Variants in SHC3 observed in about 807,000 individuals in gnomAD.
SHC3 encodes the protein SHC adaptor protein 3.
SHC3 carries 15 observed loss-of-function variants against 60.4 expected under a neutral mutation model. That is an observed-to-expected ratio of 0.25 (90% CI 0.17 to 0.38). SHC3 has a LOEUF of 0.38. SHC3 is among the 10% of genes least tolerant of loss of function. The pLI, the probability that SHC3 is intolerant of heterozygous loss-of-function variation, is 1.00. For missense variants in SHC3, 677 were observed against 786.1 expected, an observed-to-expected ratio of 0.86 and a Z score of 1.66; for synonymous variants, 294 against 325.9, an observed-to-expected ratio of 0.90 and a Z score of 1.05.
intron 11 of SHC3, among the ~76,000 whole-genome samples, chr9:89,027,405 T>A (rs561046207): frequency 6.7e-6 from 1 of 149,858 alleles, no homozygotes; most frequent in South Asian, 2.1e-4. Flanking sequence ...CTGCAGGCTG[T>A]GCCCCCCGGG....
intron 2 of SHC3, among the ~76,000 whole-genome samples, chr9:89,089,591 C>T (rs931446911): frequency 2.0e-5 from 3 of 152,208 alleles, no homozygotes; most frequent in African/African-American, 4.8e-5. Flanking sequence ...AGGAGTGATC[C>T]TTCCCATTTG....
In SHC3 at chr9:89,012,766, G is replaced by A. The variant is rs1409515953; in HGVS notation, c.*681C>T. 6.6e-6 allele frequency: 1 copy of A among 152,156 alleles called. No homozygotes were observed. The highest frequency in any genetic ancestry group is 2.4e-5 in the African/African-American group (1 of 41,432). 9.4% of individuals were successfully genotyped at this position (152,156 alleles called of 1,614,324 possible). A position where few individuals can be genotyped will look rare whatever the true frequency, so the allele number is the denominator to read the frequency against. The stretch of plus-strand genomic sequence containing the variant: ...GCACAACTGGGGTCAAGGGTGGCGG[G>A]GCCCTGTGCTCAGCAGGACCCGGAG... On this transcript the variant is annotated 3_prime_UTR_variant, in exon 12 of 12. Coordinates refer to ENST00000375835, the MANE Select transcript of SHC3 (RefSeq NM_016848.6).
chr9:89,030,633 T>C (rs1012188006), intron 11 of SHC3, among the ~76,000 whole-genome samples: 5 of 152,216 alleles, frequency 3.3e-5, no homozygotes, highest in African/African-American at 1.2e-4. Flanking sequence ...TAAAAACACA[T>C]ATACACCTAA....
chr9:89,123,218 G>A (rs1248202223), intron 1 of SHC3, among the ~76,000 whole-genome samples: 1 of 152,158 alleles, frequency 6.6e-6, no homozygotes, highest in Non-Finnish European at 1.5e-5. Context: ...TAAACATGTT[G>A]TAAAAAGAAT....
Position 89,147,640 on chromosome 9 carries a change from C to T in SHC3, c.474+30347G>A, listed in dbSNP as rs564471180. Among the ~76,000 whole-genome samples, 56 of 152,238 alleles carry T rather than the reference C, an allele frequency of 3.7e-4. No homozygotes were observed. The South Asian group carries it at 7.9e-3, about 21-fold the overall frequency. Reference sequence around the variant, plus strand: ...ATCTTGAAATAGAACGCTCTGTGTCCTGTTAACATTGACTTCTTTGCCAGT... The same window carrying T: ...ATCTTGAAATAGAACGCTCTGTGTCTTGTTAACATTGACTTCTTTGCCAGT... On this transcript the variant is annotated intron_variant, in intron 1 of 11. Coordinates refer to ENST00000375835, the MANE Select transcript of SHC3 (RefSeq NM_016848.6).
intron 10 of SHC3, among the ~76,000 whole-genome samples, chr9:89,040,148 C>T: frequency 1.7e-5 from 1 of 57,644 alleles, no homozygotes; most frequent in South Asian, 6.1e-4. Flanking sequence ...GCAGCATCAC[C>T]ACCATCATCA....
Position 89,100,363 on chromosome 9 carries a change from T to C in SHC3, c.545+12193A>G, listed in dbSNP as rs1825765057. ...AAGAGTCAAGTTTATTGAGGTATAATAAACCTTTTTTAGATGTTCAGTTAT... is the reference window on the plus strand; with the variant it reads ...AAGAGTCAAGTTTATTGAGGTATAACAAACCTTTTTTAGATGTTCAGTTAT... On this transcript the variant is annotated intron_variant, in intron 2 of 11. Coordinates refer to ENST00000375835, the MANE Select transcript of SHC3 (RefSeq NM_016848.6). Among the ~76,000 whole-genome samples, 3 of 152,174 alleles carry C rather than the reference T, an allele frequency of 2.0e-5. No individual in the cohort carries two copies. In the South Asian group the frequency reaches 6.2e-4, roughly 32 times the overall value.
intron 6 of SHC3, among the ~76,000 whole-genome samples, chr9:89,054,125 A>T (rs1310178997): frequency 6.6e-6 from 1 of 152,208 alleles, no homozygotes; most frequent in African/African-American, 2.4e-5. Flanking sequence ...AATCTCATCC[A>T]CATGCTACTA....
Position 89,038,110 on chromosome 9 carries a change from C to T in SHC3, c.1539G>A (p.Leu513=), listed in dbSNP as rs2282124. ...TGACCAGGAAGTCTCCGTCTTTCTC[C>T]AGCAGCCCCTCTGCCTCCTTCCTGC... ...EMSRKEAEGL[L]EKDGDFLVRK... The change falls in exon 11 of 12, where the codon CTG becomes CTA. Residue 513 remains leucine, a synonymous_variant. Coordinates refer to ENST00000375835, the MANE Select transcript of SHC3 (RefSeq NM_016848.6). 2.4e-4 allele frequency: 389 copies of T among 1,614,070 alleles called. 1 individual carries two copies. The East Asian group carries it at 8.5e-3, about 35-fold the overall frequency.
chr9:89,008,830 CT>C lies in SHC3; in HGVS notation c.*4616del, dbSNP rs1825978742. ...GCTCCAGTTGTGCACATGACGGTAA[CT>C]TACTTGATAATGCACGCCTTCCCCG... is the stretch of plus-strand genomic sequence containing the variant. On this transcript the variant is annotated 3_prime_UTR_variant, in exon 12 of 12. Coordinates refer to ENST00000375835, the MANE Select transcript of SHC3 (RefSeq NM_016848.6). The C allele has an allele frequency of 3.3e-5, 5 of 152,328 alleles. No homozygotes were observed. The highest frequency in any genetic ancestry group is 3.4e-3 in the Middle Eastern group (1 of 294). 9.4% of individuals were successfully genotyped at this position (152,328 alleles called of 1,614,324 possible). A position where few individuals can be genotyped will look rare whatever the true frequency, so the allele number is the denominator to read the frequency against.
intron 11 of SHC3, among the ~76,000 whole-genome samples, chr9:89,027,245 T>A (rs1486152777): frequency 6.6e-6 from 1 of 152,194 alleles, no homozygotes; most frequent in Non-Finnish European, 1.5e-5. Flanking sequence ...ATGCTAAAAT[T>A]TACCTGTGTG....
chr9:89,152,758 G>A (rs965008742), intron 1 of SHC3, among the ~76,000 whole-genome samples: 2 of 152,180 alleles, frequency 1.3e-5, no homozygotes, highest in Non-Finnish European at 1.5e-5. Context: ...TTTGTCTAAT[G>A]TACTTTATAC....
chr9:89,042,466 G>T (rs1166551544), intron 9 of SHC3, among the ~76,000 whole-genome samples: 2 of 152,188 alleles, frequency 1.3e-5, no homozygotes, highest in Non-Finnish European at 2.9e-5. Flanking sequence ...GGCCCTTGCT[G>T]CCCCAAGACC....
intron 10 of SHC3, among the ~76,000 whole-genome samples, chr9:89,040,383 C>T (rs191938436): frequency 1.3e-5 from 2 of 151,564 alleles, no homozygotes; most frequent in Admixed American, 1.3e-4. Flanking sequence ...CAATAGGCAC[C>T]AGCCTTTCTA....
intron 2 of SHC3, among the ~76,000 whole-genome samples, chr9:89,078,601 T>C (rs770252968): frequency 1.3e-5 from 2 of 151,972 alleles, no homozygotes; most frequent in Non-Finnish European, 2.9e-5. Context: ...CAACACGTGG[T>C]TCTGCATGGG....
At chr9:89,039,200 G>A (rs908389902) in intron 10 of SHC3, among the ~76,000 whole-genome samples, 2 of 152,186 alleles carry the variant, frequency 1.3e-5, no homozygotes, top group Non-Finnish European at 2.9e-5. Context: ...ACAAGAACAG[G>A]AGTGGTTCTT....
At chr9:89,059,736 G>A (rs1312545743) in intron 6 of SHC3, among the ~76,000 whole-genome samples, 12 of 75,184 alleles carry the variant, frequency 1.6e-4, no homozygotes, top group Non-Finnish European at 2.3e-4. Flanking sequence ...GGACGGTGGT[G>A]GAGGACGTGG....
rs575343190 is a variant in SHC3, at chr9:89,044,800, T to C, written c.1201+946A>G. On this transcript the variant is annotated intron_variant, in intron 9 of 11. Coordinates refer to ENST00000375835, the MANE Select transcript of SHC3 (RefSeq NM_016848.6). ...AATATATTTGAATTATTTGCAGATA[T>C]CTGACTTATAGACAGTTATATCGAC... is the stretch of plus-strand genomic sequence containing the variant. 9.8e-5 allele frequency among the ~76,000 whole-genome samples: 15 copies of C among 152,364 alleles called. 1 individual carries two copies. In the South Asian group the frequency reaches 2.7e-3, roughly 27 times the overall value.
intron 3 of SHC3, among the ~76,000 whole-genome samples, chr9:89,076,310 G>A (rs1315164065): frequency 6.6e-6 from 1 of 152,196 alleles, no homozygotes; most frequent in Admixed American, 6.5e-5. Flanking sequence ...AAACCCAGCT[G>A]CCCTGTGGGT....
Sources: allele counts gnomAD v4.1 joint callset (sites outside exome capture counted in the v4.1 genomes callset), GRCh38; gene constraint gnomAD v4.1.1; transcripts MANE v1.5; gene names NCBI Gene and HGNC (gene_info 2026-07-23, HGNC 2026-07-21).